The following FKBP9 variants were observed in gnomAD, a reference collection of about 807,000 sequenced individuals.
FKBP9 encodes FKBP prolyl isomerase 9.
In FKBP9, 27 loss-of-function variants were observed where a neutral mutation model predicts 55.6. That is an observed-to-expected ratio of 0.49 (90% CI 0.36 to 0.67). FKBP9 has a LOEUF of 0.67. FKBP9 is among the 30% of genes least tolerant of loss of function. The pLI, the probability that FKBP9 is intolerant of heterozygous loss-of-function variation, is 0.00. For missense variants in FKBP9, 539 were observed against 742.8 expected (o/e 0.73, Z 3.19); for synonymous variants, 267 against 296.5 (o/e 0.90, Z 1.02).
At position 32,988,604 on chromosome 7, in the gene FKBP9, C is replaced by T. The variant is rs746683922; in HGVS notation, c.991C>T (p.Arg331Ter). 26 of 1,613,820 alleles carry T rather than the reference C, an allele frequency of 1.6e-5. 1 individual carries two copies. The highest frequency in any genetic ancestry group is 5.0e-5 in the Admixed American group (3 of 59,990). The stretch of plus-strand genomic sequence containing the variant: ...ACTTGGTGTTTGCATTGGAGAAAAG[C>T]GAAGGATTGTGGTCCCGCCTCACCT... ...GLLGVCIGEKRRIVVPPHLGY... is the reference protein window; with the variant it reads ...GLLGVCIGEK The change falls in exon 6 of 10, where the codon CGA (arginine) becomes TGA (stop). Residue 331 changes from arginine (R) to a stop codon, truncating the protein, a stop_gained. Coordinates refer to ENST00000242209, the MANE Select transcript of FKBP9 (RefSeq NM_007270.5). LOFTEE classifies it high-confidence loss of function.
intron 7 of FKBP9, among the ~76,000 whole-genome samples, chr7:32,999,202 TC>T (rs1371530395): frequency 6.6e-6 from 1 of 151,730 alleles, no homozygotes; most frequent in Non-Finnish European, 1.5e-5. Context: ...CTGCCCTGGG[TC>T]CAGGGGAGGT....
chr7:32,994,331 C>T (rs893036485), intron 6 of FKBP9, among the ~76,000 whole-genome samples: 9 of 152,216 alleles, frequency 5.9e-5, no homozygotes, highest in African/African-American at 2.2e-4. Context: ...TTCCATATCC[C>T]TGGAATCCTA....
intron 3 of FKBP9, 25 bp from the exon 4 acceptor site, chr7:32,976,329 T>G (rs748786580): frequency 5.6e-6 from 9 of 1,613,920 alleles, no homozygotes; most frequent in African/African-American, 5.3e-5. Flanking sequence ...GTGTGGAACT[T>G]TTTCCCTTTC....
chr7:32,974,452 A>G, intron 1 of FKBP9, 165 bp from the exon 2 acceptor site: 1 of 516,528 alleles, frequency 1.9e-6, no homozygotes, highest in Non-Finnish European at 3.5e-6. Context: ...CCAACCCTAC[A>G]AGTACTGTCC....
In FKBP9 at chr7:32,996,264, G is replaced by A. The variant is rs1784782876; in HGVS notation, c.1141G>A (p.Asp381Asn). ...CATCACCTCCCACTACAAACCCCCT[G>A]ACTGCTCAGTGCTGAGTAAGAAGGG... is the stretch of plus-strand genomic sequence containing the variant. ...ISITSHYKPP[D>N]CSVLSKKGDY... Residue 381 changes from aspartate to asparagine, a missense_variant, in exon 7 of 10, where the codon GAC becomes AAC. By Grantham distance (23) the Asp-to-Asn change is conservative. Transcript: ENST00000242209. The A allele has an allele frequency of 6.2e-7, 1 of 1,614,096 alleles. No homozygotes were observed. Among genetic ancestry groups the A allele is most frequent in the Non-Finnish European group, 8.5e-7 (1 of 1,179,980 alleles).
intron 4 of FKBP9, chr7:32,979,493 T>C: frequency 4.5e-6 from 7 of 1,549,686 alleles, no homozygotes; most frequent in Non-Finnish European, 5.2e-6. Flanking sequence ...CAGGGTGGGC[T>C]TTGCCAAAGG....
At chr7:33,001,522 A>G (rs1409578277) in intron 8 of FKBP9, among the ~76,000 whole-genome samples, 1 of 136,250 alleles carries the variant, frequency 7.3e-6, no homozygotes, top group African/African-American at 3.0e-5. Context: ...CGACAGGGCA[A>G]GACTCCATCT....
At chr7:32,984,936 C>T (rs1368876034) in intron 5 of FKBP9, among the ~76,000 whole-genome samples, 1 of 152,024 alleles carries the variant, frequency 6.6e-6, no homozygotes, top group African/African-American at 2.4e-5. Context: ...CTATCTATTC[C>T]TAGGGCAGCA....
chr7:32,957,909 C>G (rs1399726622), intron 1 of FKBP9, 115 bp downstream of exon 1: 10 of 822,168 alleles, frequency 1.2e-5, no homozygotes, highest in Non-Finnish European at 1.7e-5. Context: ...CCGCGCTCCT[C>G]CCTTCTTCCG....
chr7:32,968,311 G>T (rs1041740971), intron 1 of FKBP9, among the ~76,000 whole-genome samples: 1 of 152,234 alleles, frequency 6.6e-6, no homozygotes, highest in South Asian at 2.1e-4. Flanking sequence ...GAGCCACTGC[G>T]TCCGGCCTGA....
chr7:32,960,109 T>TTC (rs70989910), intron 1 of FKBP9, among the ~76,000 whole-genome samples: 1,143 of 27,432 alleles, frequency 0.042, 21 homozygotes, highest in African/African-American at 0.24. Context: ...TGTACTTGTC[T>TTC]TTTTTTTTTT....
chr7:33,001,481 G>A (rs1279851508), intron 8 of FKBP9, among the ~76,000 whole-genome samples: 1 of 151,884 alleles, frequency 6.6e-6, no homozygotes, highest in East Asian at 1.9e-4. Context: ...CTTGCAGTGA[G>A]CCGAGATCGT....
At chr7:32,985,344 T>C (rs967533636) in intron 5 of FKBP9, among the ~76,000 whole-genome samples, 10 of 151,620 alleles carry the variant, frequency 6.6e-5, no homozygotes, top group Non-Finnish European at 7.4e-5. Flanking sequence ...GCCCGGCTAA[T>C]TTTTTTAGTA....
chr7:32,982,204 A>T (rs867619478), intron 5 of FKBP9, among the ~76,000 whole-genome samples: 1 of 151,984 alleles, frequency 6.6e-6, no homozygotes, highest in South Asian at 2.1e-4. Context: ...TATTTTTAGT[A>T]GAAACGGGGT....
intron 1 of FKBP9, among the ~76,000 whole-genome samples, chr7:32,970,717 G>A (rs111977562): frequency 0.39 from 49,886 of 128,308 alleles, 10,163 homozygotes; most frequent in Non-Finnish European, 0.52. Context: ...TTGTTTATTA[G>A]TTGTTTTTTT....
chr7:32,959,403 AAAAAC>A (rs759797245), intron 1 of FKBP9, among the ~76,000 whole-genome samples: 1 of 152,370 alleles, frequency 6.6e-6, no homozygotes, highest in Non-Finnish European at 1.5e-5. Context: ...CTCCGTCTCA[AAAAAC>A]AAAACAAAAC....
At chr7:32,961,599 TG>T (rs1292366169) in intron 1 of FKBP9, among the ~76,000 whole-genome samples, 5 of 152,194 alleles carry the variant, frequency 3.3e-5, no homozygotes, top group Non-Finnish European at 5.9e-5. Context: ...GGACCTGTTG[TG>T]GTCTGTGGCC....
At chr7:32,964,958 T>C (rs1206288518) in intron 1 of FKBP9, among the ~76,000 whole-genome samples, 7 of 151,920 alleles carry the variant, frequency 4.6e-5, no homozygotes, top group Non-Finnish European at 8.8e-5. Flanking sequence ...TCGTGAAGGG[T>C]GGTGGCAGGA....
chr7:32,982,177 C>T lies in FKBP9; in HGVS notation c.893+1624C>T, dbSNP rs574899149. Among the ~76,000 whole-genome samples the T allele has an allele frequency of 5.0e-4, 76 of 151,936 alleles. No homozygotes were observed. The East Asian group carries it at 0.012, about 23-fold the overall frequency. ...CTGGGGTTACAGGCACACACCACCA[C>T]GCCTGGCTAATTTTTGTATTTTTAG... On this transcript the variant is annotated intron_variant, in intron 5 of 9. Transcript: ENST00000242209.
Sources: gnomAD v4.1 joint callset for allele counts (sites outside exome capture counted in the v4.1 genomes callset) on GRCh38, gnomAD v4.1.1 for gene constraint, MANE v1.5 for transcripts, NCBI Gene and HGNC (gene_info 2026-07-23, HGNC 2026-07-21) for gene names.